CLDND1: variants seen among roughly 807,000 people sequenced by gnomAD.
CLDND1 encodes claudin domain containing 1.
Under a neutral mutation model 26.3 loss-of-function variants are expected in CLDND1, and 13 were observed. The observed-to-expected ratio is 0.49, with a 90% CI of 0.32 to 0.78. The LOEUF (loss-of-function observed/expected upper bound fraction) is 0.78, where lower values mean the gene tolerates loss of function less well. Among genes scored for constraint, CLDND1 ranks in the 30% least tolerant of loss-of-function variants. The pLI is 0.03. For missense variants in CLDND1, 289 were observed against 312.8 expected, an observed-to-expected ratio of 0.92 and a Z score of 0.57; for synonymous variants, 107 against 107.0, an observed-to-expected ratio of 1.00 and a Z score of 0.00.
At chr3:98,518,713 G>GT (rs139135527) in intron 3 of CLDND1, 172 bp downstream of exon 3, 6,119 of 573,008 alleles carry the variant, frequency 0.011, 300 homozygotes, top group African/African-American at 0.1. Context: ...TGGTAAGCAT[G>GT]TATCTACCTT....
intron 3 of CLDND1, chr3:98,517,438 A>T (rs1342089597): frequency 4.6e-6 from 2 of 433,284 alleles, no homozygotes; most frequent in Non-Finnish European, 8.2e-6. Context: ...GTTTGTCTAC[A>T]CATTTTCTGT....
At chr3:98,518,452 T>A (rs1374471649) in intron 3 of CLDND1, among the ~76,000 whole-genome samples, 1 of 152,172 alleles carries the variant, frequency 6.6e-6, no homozygotes, top group Admixed American at 6.5e-5. Context: ...TACTATCACC[T>A]AAGACTGGAT....
chr3:98,515,501 T>G lies in CLDND1; in HGVS notation c.*1158A>C, dbSNP rs1706093992. The G allele has an allele frequency of 2.6e-6, 2 of 759,254 alleles. No individual in the cohort carries two copies. The highest frequency in any genetic ancestry group is 1.9e-5 in the African/African-American group (1 of 53,596). 47.0% of individuals were successfully genotyped at this position (759,254 alleles called of 1,614,324 possible). A position where few individuals can be genotyped will look rare whatever the true frequency, so the allele number is the denominator to read the frequency against. Reference sequence around the variant, plus strand: ...AATTGAGTCTCTTTTCATTTTTAATTTTATTTTTTAAAAAAGACATTGAGG... The same window carrying G: ...AATTGAGTCTCTTTTCATTTTTAATGTTATTTTTTAAAAAAGACATTGAGG... On this transcript the variant is annotated 3_prime_UTR_variant, in exon 5 of 5. Coordinates refer to ENST00000341181, the MANE Select transcript of CLDND1 (RefSeq NM_001040181.2).
Position 98,521,619 on chromosome 3 carries a change from T to A in CLDND1, c.-18-177A>T, listed in dbSNP as rs764420328. The A allele has an allele frequency of 1.6e-5, 26 of 1,584,442 alleles. No individual in the cohort carries two copies. In the Admixed American group the frequency reaches 4.0e-4, roughly 24 times the overall value. ...TTAATTAAGCTTAAAACAAAACTCA[T>A]TCTCATAAAAGTACTTATTGAATGC... On this transcript the variant is annotated intron_variant, in intron 1 of 4. Transcript: ENST00000341181.
chr3:98,521,985 C>T (rs1706437928), intron 1 of CLDND1: 1 of 392,224 alleles, frequency 2.5e-6, no homozygotes, highest in Middle Eastern at 6.7e-4. Context: ...TTGTTAACCC[C>T]GAGGGAAAGG....
intron 3 of CLDND1, among the ~76,000 whole-genome samples, chr3:98,518,460 G>A (rs1368877750): frequency 1.3e-5 from 2 of 152,124 alleles, no homozygotes; most frequent in African/African-American, 4.8e-5. Flanking sequence ...CCTAAGACTG[G>A]ATAAACACTT....
rs576207704 is a variant in CLDND1 at position 98,520,420 on chromosome 3, C to G, written c.292+713G>C. ...ATGATTTGAATACAATGCTTCCCCACTAAGGGGCCAACAGAAGTAGTCATA... is the reference window on the plus strand; with the variant it reads ...ATGATTTGAATACAATGCTTCCCCAGTAAGGGGCCAACAGAAGTAGTCATA... On this transcript the variant is annotated intron_variant, in intron 2 of 4. Coordinates refer to ENST00000341181, the MANE Select transcript of CLDND1 (RefSeq NM_001040181.2). Among the ~76,000 whole-genome samples the G allele has an allele frequency of 1.2e-3, 178 of 152,258 alleles. 1 individual carries two copies. Among genetic ancestry groups the G allele is most frequent in the South Asian group, 2.1e-3 (10 of 4,824 alleles).
rs375546258 is a variant in CLDND1, at chr3:98,522,889, G to A, written c.-59C>T. ...TCCGCCAGCTTCACCCTCTAGCTCA[G>A]ACCACAGCACCCTACTCTCCCCGCG... On this transcript the variant is annotated 5_prime_UTR_variant, in exon 1 of 5. Transcript: ENST00000341181. The A allele has an allele frequency of 6.8e-6, 11 of 1,613,196 alleles. No individual in the cohort carries two copies. The highest frequency in any genetic ancestry group is 7.6e-6 in the Non-Finnish European group (9 of 1,179,564).
chr3:98,516,919 G>T, intron 4 of CLDND1, 40 bp from the exon 5 acceptor site: 1 of 1,612,418 alleles, frequency 6.2e-7, no homozygotes, highest in East Asian at 2.2e-5. Flanking sequence ...AACATGGCTG[G>T]ATAAAAGCAC....
In CLDND1 at chr3:98,516,260, G is replaced by A. The variant is rs528951724; in HGVS notation, c.*399C>T. 16 of 1,026,510 alleles carry A rather than the reference G, an allele frequency of 1.6e-5. No individual in the cohort carries two copies. The East Asian group carries it at 4.7e-4, about 30-fold the overall frequency. 63.6% of individuals were successfully genotyped at this position (1,026,510 alleles called of 1,614,324 possible). ...AGCAAAGTGAACATAAAGTTTTGAC[G>A]ATGAGAGGTTTCCCAAAGAAACTAA... is the stretch of plus-strand genomic sequence containing the variant. On this transcript the variant is annotated 3_prime_UTR_variant, in exon 5 of 5. Coordinates refer to ENST00000341181, the MANE Select transcript of CLDND1 (RefSeq NM_001040181.2).
At chr3:98,519,487 T>C (rs749310514) in intron 2 of CLDND1, among the ~76,000 whole-genome samples, 4 of 152,240 alleles carry the variant, frequency 2.6e-5, no homozygotes, top group Non-Finnish European at 5.9e-5. Flanking sequence ...GCTACCATTC[T>C]GGTGTGAGTC....
chr3:98,515,933 GA>G lies in CLDND1; in HGVS notation c.*725del, dbSNP rs1293763497. The G allele has an allele frequency of 4.0e-5, 48 of 1,197,022 alleles. 2 individuals are homozygous for G. The South Asian group carries it at 5.9e-4, about 15-fold the overall frequency. The allele number at this position is 1,197,022 out of a possible 1,614,324, so 74.2% of individuals were successfully genotyped here. On this transcript the variant is annotated 3_prime_UTR_variant, in exon 5 of 5. Coordinates refer to ENST00000341181, the MANE Select transcript of CLDND1 (RefSeq NM_001040181.2). ...ATAACCCTGGTATGTGAAGAGGAAA[GA>G]AAAAAAATCCAAAACAATTTGGTGG...
At chr3:98,517,350 C>A in intron 3 of CLDND1, 161 bp from the exon 4 acceptor site, 1 of 782,454 alleles carries the variant, frequency 1.3e-6, no homozygotes, top group Non-Finnish European at 2.0e-6. Context: ...CAAAAGGATG[C>A]TACTCTTGTC....
At chr3:98,520,056 T>C (rs1302569424) in intron 2 of CLDND1, among the ~76,000 whole-genome samples, 2 of 152,242 alleles carry the variant, frequency 1.3e-5, no homozygotes, top group African/African-American at 4.8e-5. Context: ...TTATTCTGTT[T>C]ATACTGTTAT....
intron 1 of CLDND1, 78 bp downstream of exon 1, chr3:98,522,771 G>A: frequency 6.2e-7 from 1 of 1,611,684 alleles, no homozygotes; most frequent in African/African-American, 1.3e-5. Context: ...GCCCGGGAAG[G>A]GGGCCCCTCT....
intron 1 of CLDND1, chr3:98,522,020 A>G (rs1218463168): frequency 6.6e-6 from 2 of 304,496 alleles, no homozygotes; most frequent in Non-Finnish European, 1.2e-5. Flanking sequence ...TAAAATAGCA[A>G]AGAGAACAAT....
chr3:98,518,827 G>T (rs1706271234), intron 3 of CLDND1, 58 bp downstream of exon 3: 2 of 1,029,196 alleles, frequency 1.9e-6, no homozygotes, highest in Admixed American at 1.8e-5. Flanking sequence ...AGTCCAAAAA[G>T]AGACAAATAA....
Position 98,515,974 on chromosome 3 carries a change from C to A in CLDND1, c.*685G>T. 5.8e-6 allele frequency: 7 copies of A among 1,199,962 alleles called. No individual in the cohort carries two copies. The highest frequency in any genetic ancestry group is 1.6e-5 in the South Asian group (1 of 64,030). 74.3% of individuals were successfully genotyped at this position (1,199,962 alleles called of 1,614,324 possible). ...CAATTTGGTGGTACTGAAAATCTTA[C>A]GGAGAGTTAAAAATAATACTAATCC... On this transcript the variant is annotated 3_prime_UTR_variant, in exon 5 of 5. Transcript: ENST00000341181.
chr3:98,520,610 C>A (rs1729975), intron 2 of CLDND1: 22,607 of 151,586 alleles, frequency 0.15, 1,803 homozygotes, highest in African/African-American at 0.22. Context: ...TCTTAACCTA[C>A]CAACTCTGCA....
Sources: allele counts gnomAD v4.1 joint callset (sites outside exome capture counted in the v4.1 genomes callset), GRCh38; gene constraint gnomAD v4.1.1; transcripts MANE v1.5; gene names NCBI Gene and HGNC (gene_info 2026-07-23, HGNC 2026-07-21).